The following PIGL variants were observed in gnomAD, a reference collection of about 807,000 sequenced individuals.
PIGL encodes phosphatidylinositol glycan anchor biosynthesis class L, also known as N-acetylglucosaminyl-phosphatidylinositol de-N-acetylase.
PIGL carries 22 observed loss-of-function variants against 31.1 expected under a neutral mutation model. The ratio of observed to expected loss-of-function variants is 0.71; its 90% CI spans 0.51 to 1.01. PIGL has a LOEUF of 1.01. Among genes scored for constraint, PIGL ranks in the 50% least tolerant of loss-of-function variants. The pLI, the probability that PIGL is intolerant of heterozygous loss-of-function variation, is 0.00. For synonymous variants in PIGL, 131 were observed against 117.4 expected, an observed-to-expected ratio of 1.12 and a Z score of -0.75; for missense variants, 302 against 315.9, an observed-to-expected ratio of 0.96 and a Z score of 0.33.
intron 6 of PIGL, among the ~76,000 whole-genome samples, chr17:16,325,262 G>A (rs1426247500): frequency 1.9e-4 from 29 of 149,230 alleles, no homozygotes; most frequent in Admixed American, 1.8e-3. Context: ...GGAGAATGGC[G>A]TGAACCCAGG....
intron 2 of PIGL, among the ~76,000 whole-genome samples, chr17:16,274,336 G>A (rs780023150): frequency 3.9e-5 from 6 of 152,122 alleles, no homozygotes; most frequent in Admixed American, 6.5e-5. Context: ...GTTCTCTTGC[G>A]GATCTCAGCT....
At chr17:16,256,513 G>A (rs1026234511) in intron 2 of PIGL, among the ~76,000 whole-genome samples, 5 of 151,814 alleles carry the variant, frequency 3.3e-5, no homozygotes, top group Non-Finnish European at 7.4e-5. Flanking sequence ...CACCACGCCC[G>A]GCTAATTGTG....
At chr17:16,259,967 G>T (rs4792726) in intron 2 of PIGL, among the ~76,000 whole-genome samples, 1 of 152,186 alleles carries the variant, frequency 6.6e-6, no homozygotes, top group Non-Finnish European at 1.5e-5. Context: ...CCTGGTGCCC[G>T]CTCCAATTTT....
intron 2 of PIGL, among the ~76,000 whole-genome samples, chr17:16,267,703 G>T (rs57384623): frequency 7.5e-6 from 1 of 133,430 alleles, no homozygotes; most frequent in East Asian, 2.0e-4. Flanking sequence ...TCAAAAAAAA[G>T]AAAAAAAGAA....
At chr17:16,313,875 G>T (rs558767616) in intron 4 of PIGL, among the ~76,000 whole-genome samples, 2 of 152,112 alleles carry the variant, frequency 1.3e-5, no homozygotes, top group African/African-American at 4.8e-5. Flanking sequence ...TGCGAATGGG[G>T]TAATTGACTT....
At chr17:16,288,496 C>T (rs916857405) in intron 2 of PIGL, among the ~76,000 whole-genome samples, 4 of 152,030 alleles carry the variant, frequency 2.6e-5, no homozygotes, top group Non-Finnish European at 4.4e-5. Context: ...TGAGCCACTG[C>T]GTCCAGCCTA....
chr17:16,228,342 G>A (rs1487706733), intron 1 of PIGL, among the ~76,000 whole-genome samples: 1 of 152,022 alleles, frequency 6.6e-6, no homozygotes, highest in Non-Finnish European at 1.5e-5. Flanking sequence ...ACAGGCGTGA[G>A]CCACTGCGCC....
At chr17:16,313,702 G>A (rs1375178727) in intron 4 of PIGL, 88 bp downstream of exon 4, 18 of 1,069,002 alleles carry the variant, frequency 1.7e-5, no homozygotes, top group Non-Finnish European at 2.5e-5. Context: ...TTTCCCACTT[G>A]TTATCTGAGC....
intron 6 of PIGL, among the ~76,000 whole-genome samples, chr17:16,319,831 A>T (rs1739753205): frequency 6.6e-6 from 1 of 151,462 alleles, no homozygotes; most frequent in Non-Finnish European, 1.5e-5. Flanking sequence ...AGGCCAGCTC[A>T]GGTCATCCTA....
intron 2 of PIGL, among the ~76,000 whole-genome samples, chr17:16,275,552 G>T (rs1012802630): frequency 1.9e-4 from 29 of 152,086 alleles, no homozygotes; most frequent in Non-Finnish European, 4.0e-4. Flanking sequence ...GAATTGCTGT[G>T]GTTCAAATGC....
At chr17:16,311,077 A>G (rs2093047307) in intron 3 of PIGL, among the ~76,000 whole-genome samples, 2 of 152,106 alleles carry the variant, frequency 1.3e-5, no homozygotes, top group African/African-American at 4.8e-5. Context: ...TTAAAATAGA[A>G]AGACCAAGAG....
rs535492139 is a variant in PIGL, at chr17:16,304,325, G to A, written c.426+4347G>A. Reference sequence around the variant, plus strand: ...GGGCTGCACCAGGATGAGAGCATAAGCTCTCCACCATCATCCAAAGCAAAG... The same window carrying A: ...GGGCTGCACCAGGATGAGAGCATAAACTCTCCACCATCATCCAAAGCAAAG... On this transcript the variant is annotated intron_variant, in intron 3 of 6. Coordinates refer to ENST00000225609, the MANE Select transcript of PIGL (RefSeq NM_004278.4). Among the ~76,000 whole-genome samples, 45 of 152,340 alleles carry A rather than the reference G, an allele frequency of 3.0e-4. 1 individual carries two copies. Among genetic ancestry groups the A allele is most frequent in the Non-Finnish European group, 6.0e-4 (41 of 68,032 alleles).
intron 2 of PIGL, chr17:16,282,203 G>T: frequency 2.7e-6 from 1 of 364,838 alleles, no homozygotes; most frequent in South Asian, 2.0e-5. Context: ...TCCCCTGAAA[G>T]CCCTCCCTTT....
chr17:16,288,602 C>T (rs998001495), intron 2 of PIGL, among the ~76,000 whole-genome samples: 3 of 151,450 alleles, frequency 2.0e-5, no homozygotes, highest in African/African-American at 2.4e-5. Context: ...TGCAATGGCG[C>T]GATCTTGGCT....
At chr17:16,317,563 G>T (rs778262048) in intron 5 of PIGL, 101 of 1,356,458 alleles carry the variant, frequency 7.4e-5, no homozygotes, top group Non-Finnish European at 8.4e-5. Context: ...CAGGGTAGAG[G>T]GTAGCCAGCC....
At chr17:16,273,893 A>T (rs58213352) in intron 2 of PIGL, among the ~76,000 whole-genome samples, 8,273 of 152,226 alleles carry the variant, frequency 0.054, 763 homozygotes, top group African/African-American at 0.19. Context: ...GCCATTGGAA[A>T]CTTTTTAGGG....
chr17:16,219,875 GTTGTAT>G (rs1162015898), intron 1 of PIGL, among the ~76,000 whole-genome samples: 1 of 151,898 alleles, frequency 6.6e-6, no homozygotes, highest in African/African-American at 2.4e-5. Context: ...CCAGCTTTTA[GTTGTAT>G]TTGTATTTTA....
At chr17:16,289,968 G>A (rs1448696230) in intron 2 of PIGL, among the ~76,000 whole-genome samples, 1 of 152,120 alleles carries the variant, frequency 6.6e-6, no homozygotes, top group East Asian at 1.9e-4. Context: ...TAGAGATGGG[G>A]TTTCTCCATG....
intron 2 of PIGL, among the ~76,000 whole-genome samples, chr17:16,293,024 C>T (rs914443600): frequency 2.0e-5 from 3 of 152,164 alleles, no homozygotes; most frequent in Non-Finnish European, 2.9e-5. Context: ...TGCTTGGACC[C>T]AGGCCTTGAG....
Sources: gnomAD v4.1 joint callset for allele counts (sites outside exome capture counted in the v4.1 genomes callset) on GRCh38, gnomAD v4.1.1 for gene constraint, MANE v1.5 for transcripts, NCBI Gene and HGNC (gene_info 2026-07-23, HGNC 2026-07-21) for gene names.